The following SETBP1 variants were observed in gnomAD, a reference collection of about 807,000 sequenced individuals.
SETBP1 encodes the protein SET-binding protein.
Under a neutral mutation model 101.0 loss-of-function variants are expected in SETBP1, and 9 were observed. The observed-to-expected ratio is 0.09, with a 90% CI of 0.05 to 0.16. SETBP1 has a LOEUF of 0.16. Ranked by LOEUF, SETBP1 falls within the 10% of genes least tolerant of loss-of-function variation. The pLI, the probability that SETBP1 is intolerant of heterozygous loss-of-function variation, is 1.00. For missense variants in SETBP1, 1,858 were observed against 2,033.8 expected (o/e 0.91, Z 1.66); for synonymous variants, 818 against 788.5 (o/e 1.04, Z -0.63).
At chr18:44,851,578 T>A (rs909558610) in intron 2 of SETBP1, among the ~76,000 whole-genome samples, 3 of 152,210 alleles carry the variant, frequency 2.0e-5, no homozygotes, top group Non-Finnish European at 4.4e-5. Context: ...TCAGGTGACT[T>A]CCTTTGTCCC....
chr18:44,772,615 A>G (rs2070898039), intron 2 of SETBP1, among the ~76,000 whole-genome samples: 1 of 152,158 alleles, frequency 6.6e-6, no homozygotes, highest in African/African-American at 2.4e-5. Flanking sequence ...GTTCTTGGTC[A>G]TCCTCCCAAG....
intron 4 of SETBP1, among the ~76,000 whole-genome samples, chr18:44,975,392 C>G (rs1429017032): frequency 6.6e-6 from 1 of 152,158 alleles, no homozygotes; most frequent in Non-Finnish European, 1.5e-5. Context: ...AAGAAATTCA[C>G]TTTTAATGCC....
intron 3 of SETBP1, among the ~76,000 whole-genome samples, chr18:44,891,598 A>G (rs986412370): frequency 6.6e-6 from 1 of 152,050 alleles, no homozygotes; most frequent in African/African-American, 2.4e-5. Flanking sequence ...AGCCAAGACT[A>G]CTGTAACTAT....
intron 5 of SETBP1, among the ~76,000 whole-genome samples, chr18:45,058,786 C>T (rs941815739): frequency 5.3e-5 from 8 of 152,204 alleles, no homozygotes; most frequent in Non-Finnish European, 1.0e-4. Context: ...GTCCTAATGC[C>T]TGATGCCATC....
At chr18:44,938,958 A>ATGTGTGTGTGTG (rs111916615) in intron 3 of SETBP1, among the ~76,000 whole-genome samples, 19 of 147,344 alleles carry the variant, frequency 1.3e-4, no homozygotes, top group East Asian at 6.0e-4. Context: ...GAGTGTGTGC[A>ATGTGTGTGTGTG]TGTGTGTGTG....
chr18:44,758,881 C>A (rs1208742852), intron 2 of SETBP1, among the ~76,000 whole-genome samples: 7 of 152,182 alleles, frequency 4.6e-5, no homozygotes, highest in Admixed American at 4.6e-4. Context: ...GATTAAGGAG[C>A]ATTTCTTCCA....
At chr18:44,787,660 C>T (rs1210265588) in intron 2 of SETBP1, among the ~76,000 whole-genome samples, 1 of 148,608 alleles carries the variant, frequency 6.7e-6, no homozygotes, top group Non-Finnish European at 1.5e-5. Context: ...CGAGACCATC[C>T]TGGCTAACAA....
chr18:45,036,386 T>C (rs1448595360), intron 4 of SETBP1, among the ~76,000 whole-genome samples: 1 of 151,518 alleles, frequency 6.6e-6, no homozygotes, highest in East Asian at 1.9e-4. Context: ...TCCTTACCAG[T>C]CTCTGAGCTC....
chr18:44,753,009 T>A (rs1050824990), intron 2 of SETBP1, among the ~76,000 whole-genome samples: 1 of 152,206 alleles, frequency 6.6e-6, no homozygotes, highest in Non-Finnish European at 1.5e-5. Context: ...AAACCAAGAC[T>A]TAGAGAGGAT....
At chr18:44,914,973 G>A (rs2144901016) in intron 3 of SETBP1, among the ~76,000 whole-genome samples, 1 of 152,126 alleles carries the variant, frequency 6.6e-6, no homozygotes, top group Non-Finnish European at 1.5e-5. Flanking sequence ...ACAAGCAGAA[G>A]AGTCTATCTA....
chr18:44,739,710 C>T (rs2070054680), intron 2 of SETBP1, among the ~76,000 whole-genome samples: 1 of 152,118 alleles, frequency 6.6e-6, no homozygotes, highest in South Asian at 2.1e-4. Context: ...ATGACAGATA[C>T]AGAAGAGTTT....
In SETBP1 at chr18:44,780,890, G is replaced by A. The variant is rs942096187; in HGVS notation, c.486+79058G>A. 5.9e-5 allele frequency among the ~76,000 whole-genome samples: 9 copies of A among 152,204 alleles called. 1 individual carries two copies. Among genetic ancestry groups the A allele is most frequent in the South Asian group, 4.1e-4 (2 of 4,830 alleles). ...AAGCTCAGAGCTGAAGAATGATGAC[G>A]AGTCAGCTAGGTGAACAGGAGTTAG... On this transcript the variant is annotated intron_variant, in intron 2 of 5. Coordinates refer to ENST00000649279, the MANE Select transcript of SETBP1 (RefSeq NM_015559.3).
At chr18:45,010,984 A>C (rs912021756) in intron 4 of SETBP1, among the ~76,000 whole-genome samples, 4 of 152,254 alleles carry the variant, frequency 2.6e-5, no homozygotes, top group African/African-American at 9.6e-5. Flanking sequence ...TATGATATTC[A>C]GTAAGAAGAC....
intron 2 of SETBP1, among the ~76,000 whole-genome samples, chr18:44,724,043 G>A (rs1487993984): frequency 6.6e-6 from 1 of 152,286 alleles, no homozygotes; most frequent in African/African-American, 2.4e-5. Context: ...CAACGAAAAA[G>A]TCCTGAAATA....
At chr18:44,694,005 G>T (rs749236446) in intron 1 of SETBP1, among the ~76,000 whole-genome samples, 1 of 152,212 alleles carries the variant, frequency 6.6e-6, no homozygotes, top group Non-Finnish European at 1.5e-5. Flanking sequence ...TTCAAGTAAA[G>T]TTCTGAGGTG....
In SETBP1 at chr18:44,701,692, C is replaced by T; in HGVS notation, c.346C>T (p.Pro116Ser). 5 of 1,614,166 alleles carry T rather than the reference C, an allele frequency of 3.1e-6. No individual in the cohort carries two copies. Among genetic ancestry groups the T allele is most frequent in the Non-Finnish European group, 4.2e-6 (5 of 1,180,020 alleles). ...KIQTTKRAKK[P>S]PKNLENYICP... ...TCAGACCACAAAGCGGGCTAAGAAA[C>T]CCCCAAAGAATTTGGAGAACTATAT... Residue 116 changes from proline to serine, a missense_variant, in exon 2 of 6, where the codon CCC becomes TCC. Coordinates refer to ENST00000649279, the MANE Select transcript of SETBP1 (RefSeq NM_015559.3).
At chr18:44,743,575 G>T (rs1307448924) in intron 2 of SETBP1, among the ~76,000 whole-genome samples, 1 of 152,230 alleles carries the variant, frequency 6.6e-6, no homozygotes, top group African/African-American at 2.4e-5. Context: ...GGCATGGGCA[G>T]AGTTTCTTAT....
At position 44,701,546 on chromosome 18, in the gene SETBP1, G is replaced by A. The variant is rs778196366; in HGVS notation, c.200G>A (p.Arg67Gln). 2.2e-5 allele frequency: 36 copies of A among 1,614,068 alleles called. No individual in the cohort carries two copies. The highest frequency in any genetic ancestry group is 2.7e-5 in the African/African-American group (2 of 74,926). The change falls in exon 2 of 6, where the codon CGG (arginine) becomes CAG (glutamine). Residue 67 changes from arginine to glutamine, a missense_variant. Arg to Gln is a conservative substitution (Grantham distance 43). This residue lies in a region of SETBP1 where 97 missense variants were observed against 101.2 expected (regional missense o/e 0.96). Transcript: ENST00000649279. ...GAGGAGGATGAACTAGGCTCAGGGC[G>A]GGATGTGGATTCCAACTCCAACGCG... The part of the protein sequence containing the change: ...PEEEDELGSG[R>Q]DVDSNSNADS...
At chr18:44,776,200 A>C (rs2070997999) in intron 2 of SETBP1, among the ~76,000 whole-genome samples, 1 of 152,080 alleles carries the variant, frequency 6.6e-6, no homozygotes, top group Non-Finnish European at 1.5e-5. Flanking sequence ...TCTTTAGGAT[A>C]CTTTCTCCCC....
Sources: gnomAD v4.1 joint callset for allele counts (sites outside exome capture counted in the v4.1 genomes callset) on GRCh38, gnomAD v4.1.1 for gene constraint, gnomAD v4.1.1 regional missense constraint, MANE v1.5 for transcripts, NCBI Gene and HGNC (gene_info 2026-07-23, HGNC 2026-07-21) for gene names.